The following DNAH6 variants were observed in gnomAD, a reference collection of about 807,000 sequenced individuals.
DNAH6 encodes dynein axonemal heavy chain 6, also known as axonemal beta dynein heavy chain 6.
In DNAH6, 340 loss-of-function variants were observed where a neutral mutation model predicts 491.4. That is an observed-to-expected ratio of 0.69 (90% CI 0.63 to 0.76). The LOEUF (loss-of-function observed/expected upper bound fraction) is 0.76, where lower values mean the gene tolerates loss of function less well. Ranked by LOEUF, DNAH6 falls within the 30% of genes least tolerant of loss-of-function variation. DNAH6 has a pLI of 0.00. For missense variants in DNAH6, 4,443 were observed against 4,972.2 expected, an observed-to-expected ratio of 0.89 and a Z score of 3.20; for synonymous variants, 1,603 against 1,686.1, an observed-to-expected ratio of 0.95 and a Z score of 1.21.
chr2:84,770,953 G>T (rs1437690469), intron 64 of DNAH6, among the ~76,000 whole-genome samples: 3 of 151,256 alleles, frequency 2.0e-5, no homozygotes, highest in Non-Finnish European at 4.4e-5. Flanking sequence ...TCATGCCACT[G>T]CACTGTAGCC....
At chr2:84,465,207 A>T in the DNAH6 span, among the ~76,000 whole-genome samples, 4 of 152,212 alleles carry the variant, frequency 2.6e-5, no homozygotes, top group Admixed American at 2.6e-4. Context: ...ATTTAAGAAA[A>T]CATTCAGGCT....
Position 84,635,919 on chromosome 2 carries a change from A to G in DNAH6, c.4653+1278A>G, listed in dbSNP as rs143597598. Among the ~76,000 whole-genome samples, 80 of 152,194 alleles carry G rather than the reference A, an allele frequency of 5.3e-4. 2 individuals carry two copies. In the East Asian group the frequency reaches 0.013, roughly 25 times the overall value. On this transcript the variant is annotated intron_variant, in intron 30 of 76. Transcript: ENST00000389394. ...TGTATTCCTCATGTCTGTTGATAGC[A>G]TCTTCATCTAGTGCCCAACTAGAAA...
At chr2:84,629,863 A>G (rs1242181353) in intron 29 of DNAH6, among the ~76,000 whole-genome samples, 2 of 152,192 alleles carry the variant, frequency 1.3e-5, no homozygotes, top group Non-Finnish European at 2.9e-5. Context: ...TGATGTGACC[A>G]TATCAATAAT....
At chr2:84,517,052 C>T (rs1389539403) in intron 1 of DNAH6, among the ~76,000 whole-genome samples, 1 of 152,090 alleles carries the variant, frequency 6.6e-6, no homozygotes, top group Non-Finnish European at 1.5e-5. Context: ...ATTAAAATTG[C>T]ATACAAAGCT....
At chr2:84,515,898 A>C (rs964083580), upstream of DNAH6, among the ~76,000 whole-genome samples, 1 of 152,204 alleles carries the variant, frequency 6.6e-6, no homozygotes, top group Non-Finnish European at 1.5e-5. Flanking sequence ...GGCTCATCCT[A>C]TGCCTGACAC....
chr2:84,648,134 C>T (rs1051176285), intron 33 of DNAH6, among the ~76,000 whole-genome samples: 3 of 152,238 alleles, frequency 2.0e-5, no homozygotes, highest in Admixed American at 6.5e-5. Context: ...GCACTGGCAG[C>T]AAGCTGCCCT....
the DNAH6 span, among the ~76,000 whole-genome samples, chr2:84,460,477 A>T: frequency 6.6e-6 from 1 of 152,260 alleles, no homozygotes; most frequent in Non-Finnish European, 1.5e-5. Context: ...CTGTCGCTTG[A>T]TAAGTTATAT....
intron 58 of DNAH6, among the ~76,000 whole-genome samples, chr2:84,716,784 C>T (rs988278230): frequency 6.6e-6 from 1 of 152,104 alleles, no homozygotes; most frequent in East Asian, 1.9e-4. Flanking sequence ...TGCTGGGACT[C>T]AGTCATGGTG....
chr2:84,590,194 T>A (rs886806816), intron 16 of DNAH6, among the ~76,000 whole-genome samples: 1 of 151,996 alleles, frequency 6.6e-6, no homozygotes, highest in Non-Finnish European at 1.5e-5. Flanking sequence ...GAAATACTAC[T>A]TGATAAAAAG....
rs1696195877 is a variant in DNAH6 at position 84,704,047 on chromosome 2, A to C, written c.8230-20A>C. The C allele has an allele frequency of 1.3e-6, 2 of 1,530,046 alleles. No individual in the cohort carries two copies. The highest frequency in any genetic ancestry group is 1.8e-6 in the Non-Finnish European group (2 of 1,130,112). 94.8% of individuals were successfully genotyped at this position (1,530,046 alleles called of 1,614,324 possible). A position where few individuals can be genotyped will look rare whatever the true frequency, so the allele number is the denominator to read the frequency against. Reference sequence around the variant, plus strand: ...ATTCAAATAATGAGGCCACTTAAGCAGTCATGTTTCAATGGTTAGGTCCGT... The same window carrying C: ...ATTCAAATAATGAGGCCACTTAAGCCGTCATGTTTCAATGGTTAGGTCCGT... On this transcript the variant is annotated intron_variant, in intron 50 of 76. Coordinates refer to ENST00000389394, the MANE Select transcript of DNAH6 (RefSeq NM_001370.2).
intron 75 of DNAH6, 60 bp downstream of exon 75, chr2:84,814,182 C>G (rs1680273312): frequency 6.6e-7 from 1 of 1,510,502 alleles, no homozygotes; most frequent in South Asian, 1.3e-5. Flanking sequence ...TTGAAGATTT[C>G]AGACAACCTT....
At chr2:84,666,696 G>A (rs1692163430) in intron 37 of DNAH6, among the ~76,000 whole-genome samples, 1 of 152,104 alleles carries the variant, frequency 6.6e-6, no homozygotes. Context: ...TAGATTCAAT[G>A]CCATCCCCAT....
Position 84,550,020 on chromosome 2 carries a change from G to C in DNAH6, c.1448G>C (p.Trp483Ser). Residue 483 changes from tryptophan (W) to serine (S), a missense_variant, in exon 9 of 77, where the codon TGG (tryptophan) becomes TCG (serine). By Grantham distance (177) the Trp-to-Ser change is radical. This residue lies in a region of DNAH6 where 2,977 missense variants were observed against 3,296.6 expected (regional missense o/e 0.90). Transcript: ENST00000389394. ...CCTTCAGCAGATGTCATTCAGAAAT[G>C]GATTACTGAAGAGAAGCCTGAAGTC... Reference protein sequence around the residue: ...RTPSADVIQKWITEEKPEVPD... With the variant: ...RTPSADVIQKSITEEKPEVPD... 1 of 1,613,516 alleles carries C rather than the reference G, an allele frequency of 6.2e-7. No homozygotes were observed. The highest frequency in any genetic ancestry group is 1.1e-5 in the South Asian group (1 of 90,952).
intron 2 of DNAH6, among the ~76,000 whole-genome samples, chr2:84,525,202 G>A (rs1042272900): frequency 5.9e-5 from 9 of 152,066 alleles, no homozygotes; most frequent in African/African-American, 1.9e-4. Flanking sequence ...TTTTGATTTT[G>A]GTGGGAGAAT....
chr2:84,764,594 G>A (rs1467416563), intron 64 of DNAH6, among the ~76,000 whole-genome samples: 1 of 152,110 alleles, frequency 6.6e-6, no homozygotes, highest in Non-Finnish European at 1.5e-5. Flanking sequence ...TACTGAATTT[G>A]CATCATAGAG....
In DNAH6 at chr2:84,774,620, A is replaced by G. The variant is rs575244124; in HGVS notation, c.10704-6873A>G. ...GGTAGTTTGATAGGAATAGCATTAA[A>G]TTTGTATATTGCTTTGGGAAGTATG... On this transcript the variant is annotated intron_variant, in intron 64 of 76. Transcript: ENST00000389394. Among the ~76,000 whole-genome samples the G allele has an allele frequency of 5.9e-5, 9 of 152,226 alleles. No individual in the cohort carries two copies. The South Asian group carries it at 1.5e-3, about 25-fold the overall frequency.
chr2:84,745,058 C>A, intron 62 of DNAH6, 22 bp from the exon 63 acceptor site: 4 of 1,399,176 alleles, frequency 2.9e-6, no homozygotes, highest in South Asian at 1.4e-5. Context: ...ATTAAATTAT[C>A]TTTTTTAAAT....
At chr2:84,619,624 ATGTC>A (rs1394706586) in intron 23 of DNAH6, 57 bp from the exon 24 acceptor site, 9 of 1,428,362 alleles carry the variant, frequency 6.3e-6, no homozygotes, top group Non-Finnish European at 8.7e-6. Context: ...TTTATCTTTT[ATGTC>A]TGTCTAAGAC....
At chr2:84,771,644 A>G (rs1675631263) in intron 64 of DNAH6, among the ~76,000 whole-genome samples, 1 of 152,224 alleles carries the variant, frequency 6.6e-6, no homozygotes, top group African/African-American at 2.4e-5. Context: ...ATCAGAATCC[A>G]TGATGTCAGA....
Sources: gnomAD v4.1 joint callset for allele counts (sites outside exome capture counted in the v4.1 genomes callset) on GRCh38, gnomAD v4.1.1 for gene constraint, gnomAD v4.1.1 regional missense constraint, MANE v1.5 for transcripts, NCBI Gene and HGNC (gene_info 2026-07-23, HGNC 2026-07-21) for gene names.